LINGO2: variants seen among roughly 807,000 people sequenced by gnomAD.
The protein encoded by LINGO2 is leucine rich repeat and Ig domain containing 2, also known as leucine-rich repeat and immunoglobulin-like domain-containing nogo receptor-interacting protein 2.
LINGO2 carries 14 observed loss-of-function variants against 30.6 expected under a neutral mutation model. That is an observed-to-expected ratio of 0.46 (90% CI 0.30 to 0.72). The LOEUF (loss-of-function observed/expected upper bound fraction) is 0.72. LINGO2 is among the 30% of genes least tolerant of loss of function. The probability of loss-of-function intolerance (pLI) is 0.07; values close to 1 mark genes in which losing one functional copy is unlikely to be tolerated. For synonymous variants in LINGO2, 317 were observed against 288.5 expected (o/e 1.10, Z -1.00); for missense variants, 729 against 751.7 (o/e 0.97, Z 0.35).
intron 1 of LINGO2, among the ~76,000 whole-genome samples, chr9:28,624,537 G>T (rs1826568363): frequency 6.6e-6 from 1 of 151,772 alleles, no homozygotes; most frequent in Non-Finnish European, 1.5e-5. Context: ...CATGGTAAAT[G>T]ATCTTTTTAA....
intron 1 of LINGO2, among the ~76,000 whole-genome samples, chr9:28,636,922 T>C (rs1428757361): frequency 2.6e-5 from 4 of 152,198 alleles, no homozygotes; most frequent in Non-Finnish European, 4.4e-5. Flanking sequence ...ATGGTATTCC[T>C]TAGGTTTTCT....
chr9:28,965,607 C>G, the LINGO2 span, among the ~76,000 whole-genome samples: 1 of 152,016 alleles, frequency 6.6e-6, no homozygotes. Context: ...CAGAGAGGGT[C>G]AATACAATAG....
intron 2 of LINGO2, among the ~76,000 whole-genome samples, chr9:28,451,212 A>G (rs1824635831): frequency 6.6e-6 from 1 of 151,846 alleles, no homozygotes; most frequent in Non-Finnish European, 1.5e-5. Flanking sequence ...TCAATAATTC[A>G]CTTACAATGT....
At chr9:28,875,949 T>C in the LINGO2 span, among the ~76,000 whole-genome samples, 1 of 152,102 alleles carries the variant, frequency 6.6e-6, no homozygotes, top group Non-Finnish European at 1.5e-5. Flanking sequence ...ACAGAAGAGG[T>C]ATTAATCAAT....
At chr9:28,877,823 A>T in the LINGO2 span, among the ~76,000 whole-genome samples, 1 of 152,100 alleles carries the variant, frequency 6.6e-6, no homozygotes, top group South Asian at 2.1e-4. Flanking sequence ...ATGGCATTGA[A>T]TCTATAAATT....
chr9:28,651,930 CT>C (rs1444626949), intron 1 of LINGO2, among the ~76,000 whole-genome samples: 1 of 152,104 alleles, frequency 6.6e-6, no homozygotes, highest in Non-Finnish European at 1.5e-5. Context: ...TATTCTTTAA[CT>C]TTATTTACTT....
the LINGO2 span, among the ~76,000 whole-genome samples, chr9:28,809,803 C>A: frequency 6.7e-6 from 1 of 149,120 alleles, no homozygotes; most frequent in Non-Finnish European, 1.5e-5. Flanking sequence ...AATTTCATGT[C>A]TTGCAATTGA....
chr9:28,004,136 A>T (rs1205471865), intron 5 of LINGO2, among the ~76,000 whole-genome samples: 1 of 152,182 alleles, frequency 6.6e-6, no homozygotes, highest in Non-Finnish European at 1.5e-5. Context: ...TTGGCCCCTT[A>T]TTAATCTAGC....
At chr9:28,853,600 A>G in the LINGO2 span, among the ~76,000 whole-genome samples, 1 of 152,124 alleles carries the variant, frequency 6.6e-6, no homozygotes, top group South Asian at 2.1e-4. Flanking sequence ...AGGAAGTTTA[A>G]TTGACTAACA....
chr9:28,217,851 T>C (rs770376067), intron 4 of LINGO2, among the ~76,000 whole-genome samples: 1 of 152,010 alleles, frequency 6.6e-6, no homozygotes, highest in South Asian at 2.1e-4. Context: ...CCACAAAAAG[T>C]GGGGTATATT....
At chr9:28,657,475 T>G (rs1235344714) in intron 1 of LINGO2, among the ~76,000 whole-genome samples, 1 of 152,062 alleles carries the variant, frequency 6.6e-6, no homozygotes, top group Non-Finnish European at 1.5e-5. Flanking sequence ...TCATGACTTA[T>G]TCTTAGTAGA....
chr9:28,868,774 G>C, the LINGO2 span, among the ~76,000 whole-genome samples: 1 of 152,064 alleles, frequency 6.6e-6, no homozygotes, highest in Non-Finnish European at 1.5e-5. Context: ...CCTGTGGGTT[G>C]AGTTTGTTCC....
intron 4 of LINGO2, among the ~76,000 whole-genome samples, chr9:28,173,640 G>C (rs1393869449): frequency 6.6e-6 from 1 of 152,204 alleles, no homozygotes; most frequent in African/African-American, 2.4e-5. Flanking sequence ...TAAGAGGCAT[G>C]AGCCAGCATT....
chr9:28,806,472 T>C, the LINGO2 span, among the ~76,000 whole-genome samples: 1 of 152,172 alleles, frequency 6.6e-6, no homozygotes, highest in East Asian at 1.9e-4. Flanking sequence ...CTACTAATTT[T>C]GAGAATTTTC....
the LINGO2 span, among the ~76,000 whole-genome samples, chr9:29,015,508 T>C: frequency 2.6e-5 from 4 of 152,028 alleles, no homozygotes; most frequent in African/African-American, 9.7e-5. Flanking sequence ...CTATAGACAA[T>C]ATATAAAAAT....
At chr9:29,153,325 T>C in the LINGO2 span, among the ~76,000 whole-genome samples, 2 of 152,148 alleles carry the variant, frequency 1.3e-5, no homozygotes, top group African/African-American at 2.4e-5. Context: ...AATTCATTTT[T>C]TGTCAAGCTT....
the LINGO2 span, among the ~76,000 whole-genome samples, chr9:29,175,715 C>T: frequency 6.6e-5 from 10 of 151,696 alleles, no homozygotes; most frequent in Non-Finnish European, 1.0e-4. Context: ...TTAGTAGAGA[C>T]GGGGTTTCAC....
chr9:28,483,547 A>G (rs1204901676), intron 1 of LINGO2, among the ~76,000 whole-genome samples: 1 of 145,928 alleles, frequency 6.9e-6, no homozygotes, highest in African/African-American at 2.5e-5. Context: ...TAGTGACAGG[A>G]AAAAAAAAAA....
the LINGO2 span, among the ~76,000 whole-genome samples, chr9:28,919,987 A>G: frequency 1.6e-4 from 25 of 152,234 alleles, no homozygotes; most frequent in South Asian, 5.0e-3. Context: ...CTACGACATC[A>G]CAAATTGTTA....
Sources: gnomAD v4.1 joint callset for allele counts (sites outside exome capture counted in the v4.1 genomes callset) on GRCh38, gnomAD v4.1.1 for gene constraint, MANE v1.5 for transcripts, NCBI Gene and HGNC (gene_info 2026-07-23, HGNC 2026-07-21) for gene names.